MAP3K19: variants seen among roughly 807,000 people sequenced by gnomAD.
MAP3K19 encodes the protein SPS1/STE20-related protein kinase YSK4.
MAP3K19 carries 91 observed loss-of-function variants against 114.4 expected under a neutral mutation model. That is an observed-to-expected ratio of 0.80 (90% confidence interval 0.67 to 0.95). The LOEUF (loss-of-function observed/expected upper bound fraction) is 0.95. Ranked by LOEUF, MAP3K19 falls within the 40% of genes least tolerant of loss-of-function variation. The pLI, the probability that MAP3K19 is intolerant of heterozygous loss-of-function variation, is 0.00. For missense variants in MAP3K19, 1,471 were observed against 1,573.2 expected (o/e 0.94, Z 1.10); for synonymous variants, 518 against 530.5 (o/e 0.98, Z 0.32).
At chr2:134,990,325 G>A (rs557624580) in intron 9 of MAP3K19, among the ~76,000 whole-genome samples, 1 of 152,090 alleles carries the variant, frequency 6.6e-6, no homozygotes, top group African/African-American at 2.4e-5. Context: ...GTGACAGCAC[G>A]ACCAAGCCCT....
intron 4 of MAP3K19, among the ~76,000 whole-genome samples, chr2:135,024,192 A>G (rs1377453123): frequency 6.6e-6 from 1 of 152,216 alleles, no homozygotes; most frequent in Non-Finnish European, 1.5e-5. Context: ...AGCGAATCAA[A>G]CAATAAAGTC....
In MAP3K19 at chr2:135,017,008, A is replaced by G. The variant is rs546732863; in HGVS notation, c.138+4707T>C. Among the ~76,000 whole-genome samples the G allele has an allele frequency of 8.5e-5, 13 of 152,174 alleles. No individual in the cohort carries two copies. The East Asian group carries it at 2.3e-3, about 27-fold the overall frequency. On this transcript the variant is annotated intron_variant, in intron 5 of 12. Coordinates refer to ENST00000392915, the MANE Select transcript of MAP3K19 (RefSeq NM_025052.5). ...TTCTTTATTTTTCTCTCCTCCCTTTAAAACTATTTCTTCCCCTTCATTTCT... is the reference window on the plus strand; with the variant it reads ...TTCTTTATTTTTCTCTCCTCCCTTTGAAACTATTTCTTCCCCTTCATTTCT...
chr2:134,967,158 T>C (rs1180587735), intron 12 of MAP3K19, among the ~76,000 whole-genome samples: 6 of 152,184 alleles, frequency 3.9e-5, no homozygotes, highest in African/African-American at 1.2e-4. Context: ...CCAAGCAGTA[T>C]ACTTGGTAAA....
rs1662593849 is a variant in MAP3K19 at position 134,964,584 on chromosome 2, A to T, written c.*266T>A. On this transcript the variant is annotated 3_prime_UTR_variant, in exon 13 of 13. Transcript: ENST00000392915. Reference sequence around the variant, plus strand: ...TGTCATATAAAACAATAGAGAATGTAGTTCCTGGACAATCAAAACTGTAAA... The same window carrying T: ...TGTCATATAAAACAATAGAGAATGTTGTTCCTGGACAATCAAAACTGTAAA... 3.7e-6 allele frequency: 1 copy of T among 267,358 alleles called. No individual in the cohort carries two copies. Among genetic ancestry groups the T allele is most frequent in the Non-Finnish European group, 7.1e-6 (1 of 141,560 alleles). 16.6% of individuals were successfully genotyped at this position (267,358 alleles called of 1,614,324 possible). A position where few individuals can be genotyped will look rare whatever the true frequency, so the allele number is the denominator to read the frequency against.
intron 5 of MAP3K19, 40 bp downstream of exon 5, chr2:135,021,675 G>A (rs1252684145): frequency 9.0e-7 from 1 of 1,106,192 alleles, no homozygotes; most frequent in Non-Finnish European, 1.4e-6. Flanking sequence ...GTAGTAGATG[G>A]AGTAGGCTGT....
intron 3 of MAP3K19, among the ~76,000 whole-genome samples, chr2:135,025,066 G>GT (rs757787411): frequency 1.5e-4 from 23 of 150,594 alleles, no homozygotes; most frequent in Admixed American, 4.6e-4. Context: ...ATCTTTTGTT[G>GT]TTTTTTTTTA....
At chr2:135,021,419 C>T (rs1687962836) in intron 5 of MAP3K19, among the ~76,000 whole-genome samples, 1 of 151,618 alleles carries the variant, frequency 6.6e-6, no homozygotes, top group African/African-American at 2.4e-5. Context: ...TTATAAGCTA[C>T]CCAATCTATG....
chr2:134,985,075 G>C (rs1684998120), intron 10 of MAP3K19, among the ~76,000 whole-genome samples: 1 of 152,170 alleles, frequency 6.6e-6, no homozygotes, highest in Non-Finnish European at 1.5e-5. Flanking sequence ...AGTTTGGGAG[G>C]CTTGTGTACT....
intron 5 of MAP3K19, 134 bp downstream of exon 5, chr2:135,021,581 A>T (rs1256485561): frequency 3.4e-6 from 2 of 590,334 alleles, no homozygotes; most frequent in Non-Finnish European, 5.9e-6. Context: ...AGAGTGTCTT[A>T]CCAAATATGC....
rs1686317105 is a variant in MAP3K19, at chr2:134,999,969, T to G, written c.282A>C (p.Gln94His). 6.2e-7 allele frequency: 1 copy of G among 1,611,876 alleles called. No homozygotes were observed. Among genetic ancestry groups the G allele is most frequent in the Non-Finnish European group, 8.5e-7 (1 of 1,178,054 alleles). Reference sequence around the variant, plus strand: ...CTTTTAAGTCTTCTTGGCTCATTTCTTGGGGAGGACTGACATCTCTTGGAA... The same window carrying G: ...CTTTTAAGTCTTCTTGGCTCATTTCGTGGGGAGGACTGACATCTCTTGGAA... Reference protein sequence around the residue: ...VTFPRDVSPPQEMSQEDLKEK... With the variant: ...VTFPRDVSPPHEMSQEDLKEK... Residue 94 changes from glutamine (Q) to histidine (H), a missense_variant, in exon 7 of 13, where the codon CAA becomes CAC. By Grantham distance (24) the Gln-to-His change is conservative. Transcript: ENST00000392915. This position sits in a 1 kb window ranked among gnomAD's most constrained non-coding sequence, Gnocchi z 4.1.
At chr2:135,031,157 T>G (rs1688370573) in intron 2 of MAP3K19, among the ~76,000 whole-genome samples, 1 of 132,854 alleles carries the variant, frequency 7.5e-6, no homozygotes, top group South Asian at 2.7e-4. Context: ...AGAGACATAT[T>G]TAAAAAAAAA....
chr2:135,030,982 AC>A (rs1397237085), intron 2 of MAP3K19, among the ~76,000 whole-genome samples: 2 of 152,218 alleles, frequency 1.3e-5, no homozygotes, highest in Non-Finnish European at 2.9e-5. Context: ...CTTGAATGTC[AC>A]AAGTATTTCT....
Position 135,042,457 on chromosome 2 carries a change from G to A in MAP3K19, c.-423-1955C>T, listed in dbSNP as rs899821731. ...GCGGAGCTTGCAGTGAGCTGAGATC[G>A]CGCCACTGCACTCCAGCCTGGGCGA... On this transcript the variant is annotated intron_variant, in intron 1 of 12. Transcript: ENST00000392915. Among the ~76,000 whole-genome samples the A allele has an allele frequency of 1.4e-5, 2 of 147,330 alleles. 1 individual carries two copies. Among genetic ancestry groups the A allele is most frequent in the Admixed American group, 1.4e-4 (2 of 14,694 alleles).
At chr2:135,042,988 C>T (rs992148460) in intron 1 of MAP3K19, among the ~76,000 whole-genome samples, 1 of 152,024 alleles carries the variant, frequency 6.6e-6, no homozygotes, top group African/African-American at 2.4e-5. Context: ...GAGGCAGAGG[C>T]AGAAGAATCA....
At chr2:135,003,337 A>G (rs1686585498) in intron 6 of MAP3K19, among the ~76,000 whole-genome samples, 1 of 152,200 alleles carries the variant, frequency 6.6e-6, no homozygotes, top group Non-Finnish European at 1.5e-5. Context: ...AATATCTTTC[A>G]AAATTCCCTT....
intron 3 of MAP3K19, among the ~76,000 whole-genome samples, chr2:135,028,948 T>C (rs968802094): frequency 1.3e-5 from 2 of 152,148 alleles, no homozygotes. Context: ...AATATGAAAA[T>C]TTTGAACTGA....
At chr2:135,041,398 T>C (rs1278015687) in intron 1 of MAP3K19, among the ~76,000 whole-genome samples, 2 of 151,888 alleles carry the variant, frequency 1.3e-5, no homozygotes. Flanking sequence ...TAGAGGGCTG[T>C]GTCACGATCT....
chr2:135,010,821 A>C (rs1424563406), intron 5 of MAP3K19, among the ~76,000 whole-genome samples: 2 of 151,902 alleles, frequency 1.3e-5, no homozygotes, highest in East Asian at 1.9e-4. Flanking sequence ...TGTAGAGACA[A>C]AGTCTTATTA....
At chr2:134,968,375 T>C (rs1211299246) in intron 12 of MAP3K19, among the ~76,000 whole-genome samples, 67 of 146,216 alleles carry the variant, frequency 4.6e-4, no homozygotes, top group African/African-American at 1.1e-3. Context: ...AGCTGTTGGG[T>C]ACACCTCCCA....
Sources: allele counts gnomAD v4.1 joint callset (sites outside exome capture counted in the v4.1 genomes callset), GRCh38; gene constraint gnomAD v4.1.1; non-coding constraint Gnocchi (gnomAD v3.1); transcripts MANE v1.5; gene names NCBI Gene and HGNC (gene_info 2026-07-23, HGNC 2026-07-21).